The following GABRG2 variants were observed in gnomAD, a reference collection of about 807,000 sequenced individuals.
GABRG2 encodes gamma-aminobutyric acid receptor subunit gamma-2.
GABRG2 carries 16 observed loss-of-function variants against 56.4 expected under a neutral mutation model. The ratio of observed to expected loss-of-function variants is 0.28; its 90% CI spans 0.19 to 0.43. GABRG2 has a LOEUF of 0.43. Ranked by LOEUF, GABRG2 falls within the 20% of genes least tolerant of loss-of-function variation. The pLI is 1.00. For synonymous variants in GABRG2, 208 were observed against 205.5 expected (o/e 1.01, Z -0.10); for missense variants, 327 against 582.7 (o/e 0.56, Z 4.52).
At chr5:162,152,711 T>A (rs1765460936) in intron 9 of GABRG2, 1 of 445,632 alleles carries the variant, frequency 2.2e-6, no homozygotes. Flanking sequence ...ATTGATGCAT[T>A]TTTATTTCTC....
intron 6 of GABRG2, among the ~76,000 whole-genome samples, chr5:162,120,771 G>C (rs1581399760): frequency 6.6e-6 from 1 of 152,030 alleles, no homozygotes; most frequent in South Asian, 2.1e-4. Context: ...CTCTGCAATT[G>C]CAAAGCACTA....
At chr5:162,093,781 A>G in intron 1 of GABRG2, 47 bp from the exon 2 acceptor site, 2 of 1,572,924 alleles carry the variant, frequency 1.3e-6, no homozygotes, top group African/African-American at 1.3e-5. Flanking sequence ...ATAAAAGTCA[A>G]CTTGTGTGTA....
At chr5:162,091,705 T>C (rs567228360) in intron 1 of GABRG2, among the ~76,000 whole-genome samples, 1 of 152,244 alleles carries the variant, frequency 6.6e-6, no homozygotes, top group Admixed American at 6.5e-5. Context: ...GTCTTACTTC[T>C]AAAAAAGTAT....
chr5:162,134,595 C>A (rs1763984829), intron 6 of GABRG2, among the ~76,000 whole-genome samples: 3 of 152,150 alleles, frequency 2.0e-5, no homozygotes, highest in Admixed American at 2.0e-4. Context: ...CAGTTAGTGA[C>A]AGGATTCGAA....
chr5:162,083,489 T>C, intron 1 of GABRG2: 1 of 172,038 alleles, frequency 5.8e-6, no homozygotes, highest in Non-Finnish European at 1.3e-5. Context: ...CTCAAAATAT[T>C]TTGTATTCTA....
intron 1 of GABRG2, among the ~76,000 whole-genome samples, chr5:162,075,731 G>A (rs1759044810): frequency 6.8e-6 from 1 of 148,092 alleles, no homozygotes; most frequent in South Asian, 2.1e-4. Context: ...CTCACTGTAA[G>A]TCAGCATATA....
At chr5:162,077,842 A>C (rs183979343) in intron 1 of GABRG2, among the ~76,000 whole-genome samples, 114 of 152,088 alleles carry the variant, frequency 7.5e-4, no homozygotes, top group African/African-American at 2.6e-3. Context: ...TGTGGCTATT[A>C]AAAGGAAGTT....
intron 1 of GABRG2, among the ~76,000 whole-genome samples, chr5:162,090,343 A>ACATACACATACACATACC (rs1760476093): frequency 6.6e-6 from 1 of 151,946 alleles, no homozygotes; most frequent in African/African-American, 2.4e-5. Context: ...ATACACATAC[A>ACATACACATACACATACC]CATACACATA....
At chr5:162,076,809 A>C (rs1389608884) in intron 1 of GABRG2, among the ~76,000 whole-genome samples, 1 of 152,044 alleles carries the variant, frequency 6.6e-6, no homozygotes, top group Non-Finnish European at 1.5e-5. Flanking sequence ...GTCATGACTA[A>C]CTTTTCATTT....
At chr5:162,126,237 G>A (rs1172570849) in intron 6 of GABRG2, among the ~76,000 whole-genome samples, 1 of 151,956 alleles carries the variant, frequency 6.6e-6, no homozygotes, top group Non-Finnish European at 1.5e-5. Context: ...TGTTGGTGCA[G>A]CTATTGAGAG....
chr5:162,137,140 C>A lies in GABRG2; in HGVS notation c.770-5024C>A, dbSNP rs76638308. On this transcript the variant is annotated intron_variant, in intron 6 of 9. Coordinates refer to ENST00000639213, the MANE Select transcript of GABRG2 (RefSeq NM_198904.4). ...TTTATCCACAAAAATGTTCTGGATC[C>A]CTTAAGCTCAGGGATTGGGATTCTG... Among the ~76,000 whole-genome samples the A allele has an allele frequency of 6.1e-3, 933 of 152,124 alleles. 14 individuals carry two copies. The highest frequency in any genetic ancestry group is 0.021 in the African/African-American group (874 of 41,488).
chr5:162,152,050 G>A (rs968812044), intron 9 of GABRG2: 8 of 324,134 alleles, frequency 2.5e-5, no homozygotes, highest in African/African-American at 1.5e-4. Context: ...ATGAAAATGG[G>A]ATTGAGTCTT....
chr5:162,085,177 A>G (rs144548305), intron 1 of GABRG2, among the ~76,000 whole-genome samples: 191 of 151,978 alleles, frequency 1.3e-3, no homozygotes, highest in African/African-American at 4.3e-3. Flanking sequence ...TATTTTATTT[A>G]CCCATTTTAC....
At chr5:162,077,513 G>C (rs1759230576) in intron 1 of GABRG2, among the ~76,000 whole-genome samples, 1 of 152,136 alleles carries the variant, frequency 6.6e-6, no homozygotes. Flanking sequence ...CTAGGATGTA[G>C]CATAGATGTA....
intron 1 of GABRG2, among the ~76,000 whole-genome samples, chr5:162,074,099 AC>A (rs1758892722): frequency 6.6e-6 from 1 of 151,946 alleles, no homozygotes; most frequent in South Asian, 2.1e-4. Context: ...TGTCCCCCAT[AC>A]TAGAGAATAA....
At chr5:162,100,179 T>G (rs1226364277) in intron 4 of GABRG2, 3 of 152,086 alleles carry the variant, frequency 2.0e-5, no homozygotes, top group African/African-American at 7.2e-5. Flanking sequence ...AGGAAGCAAT[T>G]CACTCTACCC....
intron 6 of GABRG2, among the ~76,000 whole-genome samples, chr5:162,131,663 A>G (rs1350509191): frequency 6.6e-6 from 1 of 152,022 alleles, no homozygotes; most frequent in Non-Finnish European, 1.5e-5. Context: ...CTAAACTTAT[A>G]TAGAATAAAT....
intron 1 of GABRG2, among the ~76,000 whole-genome samples, chr5:162,091,058 G>T (rs976604810): frequency 6.6e-6 from 1 of 152,068 alleles, no homozygotes; most frequent in Non-Finnish European, 1.5e-5. Context: ...TTATGCATCA[G>T]CTCCTTTAAT....
At position 162,142,183 on chromosome 5, in the gene GABRG2, T is replaced by G. The variant is rs754514348; in HGVS notation, c.789T>G (p.Ser263=). 5.0e-6 allele frequency: 8 copies of G among 1,613,994 alleles called. No individual in the cohort carries two copies. The Admixed American group carries it at 1.3e-4, about 27-fold the overall frequency. The change falls in exon 7 of 10, where the codon TCT becomes TCG. Residue 263 remains serine, a synonymous_variant. Coordinates refer to ENST00000639213, the MANE Select transcript of GABRG2 (RefSeq NM_198904.4). ...KTTSGDYVVM[S]VYFDLSRRMG... ...TTCCAGGAGATTATGTGGTCATGTC[T>G]GTCTACTTTGATCTGAGCAGAAGAA...
Sources: allele counts gnomAD v4.1 joint callset (sites outside exome capture counted in the v4.1 genomes callset), GRCh38; gene constraint gnomAD v4.1.1; transcripts MANE v1.5; gene names NCBI Gene and HGNC (gene_info 2026-07-23, HGNC 2026-07-21).